GFAP: variants seen among roughly 807,000 people sequenced by gnomAD.
GFAP encodes glial fibrillary acidic protein.
A neutral mutation model predicts 49.3 loss-of-function variants in GFAP; 38 were observed. That is an observed-to-expected ratio of 0.77 (90% CI 0.60 to 1.01). GFAP has a LOEUF of 1.01. GFAP is among the 50% of genes least tolerant of loss of function. GFAP has a pLI of 0.00. For missense variants in GFAP, 463 were observed against 579.1 expected, an observed-to-expected ratio of 0.80 and a Z score of 2.06; for synonymous variants, 222 against 236.4, an observed-to-expected ratio of 0.94 and a Z score of 0.56.
chr17:44,913,798 C>A lies in GFAP; in HGVS notation c.548G>T (p.Arg183Leu), dbSNP rs769613792. The part of the protein sequence containing the change: ...RQEADEATLA[R>L]LDLERKIESL... Reference sequence around the variant, plus strand: ...CTCAATCTTCCTCTCCAGATCCAGACGGGCCAGGGTGGCTTCATCTGCTTC... The same window carrying A: ...CTCAATCTTCCTCTCCAGATCCAGAAGGGCCAGGGTGGCTTCATCTGCTTC... The change falls in exon 3 of 9, where the codon CGT (arginine) becomes CTT (leucine). Residue 183 changes from arginine to leucine, a missense_variant. Physicochemically the swap from Arg to Leu is moderately radical, Grantham distance 102. This residue lies in a region of GFAP where 362 missense variants were observed against 445.5 expected (regional missense o/e 0.81). Transcript: ENST00000588735. 1.9e-6 allele frequency: 3 copies of A among 1,614,168 alleles called. No individual in the cohort carries two copies. Among genetic ancestry groups the A allele is most frequent in the Admixed American group, 3.3e-5 (2 of 60,034 alleles).
chr17:44,904,209 C>A lies in GFAP; in HGVS notation c.*3138G>T. ...GACTCAGGCCTGTACTTCTGCGGCACCCGCAAGGGGGACTACTTTTACGCC... is the reference window on the plus strand; with the variant it reads ...GACTCAGGCCTGTACTTCTGCGGCAACCGCAAGGGGGACTACTTTTACGCC... On this transcript the variant is annotated 3_prime_UTR_variant, in exon 9 of 9. Coordinates refer to ENST00000588735, the MANE Select transcript of GFAP (RefSeq NM_002055.5). 2.6e-6 allele frequency: 4 copies of A among 1,550,550 alleles called. No homozygotes were observed. Among genetic ancestry groups the A allele is most frequent in the Non-Finnish European group, 2.6e-6 (3 of 1,146,984 alleles).
Position 44,903,917 on chromosome 17 carries a change from A to AC in GFAP, c.*3429dup, listed in dbSNP as rs1198726971. ...GGAGAAGGAAAACATTTTTCAGAGGACCCCCTGCCCTGCTTTCCTGATGTT... is the reference window on the plus strand; with the variant it reads ...GGAGAAGGAAAACATTTTTCAGAGGACCCCCCTGCCCTGCTTTCCTGATGTT... On this transcript the variant is annotated 3_prime_UTR_variant, in exon 9 of 9. Transcript: ENST00000588735. 1.3e-6 allele frequency: 2 copies of AC among 1,550,216 alleles called. No homozygotes were observed. Among genetic ancestry groups the AC allele is most frequent in the African/African-American group, 1.4e-5 (1 of 73,022 alleles).
chr17:44,908,884 C>G (rs1239185477), intron 7 of GFAP: 1 of 150,124 alleles, frequency 6.7e-6, no homozygotes, highest in African/African-American at 2.5e-5. Flanking sequence ...AGCAAGCAAG[C>G]AAGCAGGAAA....
intron 3 of GFAP, 49 bp from the exon 4 acceptor site, chr17:44,913,479 G>T: frequency 6.3e-7 from 1 of 1,593,972 alleles, no homozygotes. Context: ...ACAGGCCACA[G>T]CTGGGGTTCC....
chr17:44,908,228 G>A (rs576776531), intron 7 of GFAP, 79 bp from the exon 8 acceptor site: 43 of 929,354 alleles, frequency 4.6e-5, no homozygotes, highest in Admixed American at 1.4e-4. Flanking sequence ...CTTCCCCATC[G>A]CACCCCCCTC....
In GFAP at chr17:44,913,462, T is replaced by C. The variant is rs570479617; in HGVS notation, c.619-32A>G. 8.1e-6 allele frequency: 13 copies of C among 1,603,716 alleles called. No homozygotes were observed. The East Asian group carries it at 2.9e-4, about 36-fold the overall frequency. On this transcript the variant is annotated intron_variant, in intron 3 of 8. Transcript: ENST00000588735. ...AGGGTGAGAGAAGCGGTACCAGGGCTCAGGGTACAGGCCACAGCTGGGGTT... is the reference window on the plus strand; with the variant it reads ...AGGGTGAGAGAAGCGGTACCAGGGCCCAGGGTACAGGCCACAGCTGGGGTT...
At position 44,904,985 on chromosome 17, in the gene GFAP, C is replaced by G. The variant is rs754861795; in HGVS notation, c.*2362G>C. ...TGTGGAGCTCACCCTGATAGGCTAC[C>G]TGCTCATCACAGCAGTCTTTGTCAC... On this transcript the variant is annotated 3_prime_UTR_variant, in exon 9 of 9. Coordinates refer to ENST00000588735, the MANE Select transcript of GFAP (RefSeq NM_002055.5). The G allele has an allele frequency of 1.3e-6, 2 of 1,550,800 alleles. No homozygotes were observed. Among genetic ancestry groups the G allele is most frequent in the Middle Eastern group, 1.7e-4 (1 of 5,992 alleles).
chr17:44,910,018 G>C, intron 7 of GFAP: 2 of 1,580,622 alleles, frequency 1.3e-6, no homozygotes. Context: ...AAATGACGCA[G>C]TCCAGGCCCT....
Position 44,915,167 on chromosome 17 carries a change from T to G in GFAP, c.320A>C (p.Lys107Thr), listed in dbSNP as rs777432787. Residue 107 changes from lysine (K) to threonine (T), a missense_variant, in exon 1 of 9, where the codon AAG (lysine) becomes ACG (threonine). By Grantham distance (78) the Lys-to-Thr change is moderately conservative. This residue lies in a region of GFAP where 362 missense variants were observed against 445.5 expected (regional missense o/e 0.81). Coordinates refer to ENST00000588735, the MANE Select transcript of GFAP (RefSeq NM_002055.5). This position sits in a 1 kb window ranked among gnomAD's most constrained non-coding sequence, Gnocchi z 4.1. ...LAAELNQLRAKEPTKLADVYQ... is the reference protein window; with the variant it reads ...LAAELNQLRATEPTKLADVYQ... Reference sequence around the variant, plus strand: ...GACGTCTGCCAGCTTGGTGGGCTCCTTGGCCCGCAGCTGGTTCAGCTCAGC... The same window carrying G: ...GACGTCTGCCAGCTTGGTGGGCTCCGTGGCCCGCAGCTGGTTCAGCTCAGC... 1 of 1,614,198 alleles carries G rather than the reference T, an allele frequency of 6.2e-7. No homozygotes were observed. The highest frequency in any genetic ancestry group is 2.2e-5 in the East Asian group (1 of 44,872).
At position 44,915,369 on chromosome 17, in the gene GFAP, C is replaced by G. The variant is rs564205924; in HGVS notation, c.118G>C (p.Ala40Pro). The G allele has an allele frequency of 6.2e-7, 1 of 1,610,152 alleles. No homozygotes were observed. The highest frequency in any genetic ancestry group is 1.1e-5 in the South Asian group (1 of 90,912). The change falls in exon 1 of 9, where the codon GCT (alanine) becomes CCT (proline). Residue 40 changes from alanine (A) to proline (P), a missense_variant. Coordinates refer to ENST00000588735, the MANE Select transcript of GFAP (RefSeq NM_002055.5). The surrounding 1 kb of genome is among the most constrained non-coding windows in gnomAD (Gnocchi z 4.1). ...GTCGGGAGTGGAGGGGGCATTCGAG[C>G]CAGGGAGAGGCGGGTGCCAGGACCC... ...RLGPGTRLSLARMPPPLPTRV... is the reference protein window; with the variant it reads ...RLGPGTRLSLPRMPPPLPTRV...
In GFAP at chr17:44,905,727, G is replaced by A. The variant is rs7049; in HGVS notation, c.*1620C>T. 16,797 of 156,562 alleles carry A rather than the reference G, an allele frequency of 0.11. 913 individuals are homozygous for A. Among genetic ancestry groups the A allele is most frequent in the Middle Eastern group, 0.24 (86 of 364 alleles). 9.7% of individuals were successfully genotyped at this position (156,562 alleles called of 1,614,324 possible). On this transcript the variant is annotated 3_prime_UTR_variant, in exon 9 of 9. Transcript: ENST00000588735. ...AGCAGCAGCAGCAGGTGGCAGGAAGGAGTGGAGGGAAAGGACACCAAGTCT... is the reference window on the plus strand; with the variant it reads ...AGCAGCAGCAGCAGGTGGCAGGAAGAAGTGGAGGGAAAGGACACCAAGTCT...
rs1330897162 is a variant in GFAP at position 44,907,051 on chromosome 17, C to T, written c.*296G>A. On this transcript the variant is annotated 3_prime_UTR_variant, in exon 9 of 9. Coordinates refer to ENST00000588735, the MANE Select transcript of GFAP (RefSeq NM_002055.5). The stretch of plus-strand genomic sequence containing the variant: ...AGGTGCCCCCCGCCCTCCTCCCCTT[C>T]TCTCCTTCCTCCTCATTCTAACGCA... 9.5e-6 allele frequency: 5 copies of T among 524,408 alleles called. No individual in the cohort carries two copies. The highest frequency in any genetic ancestry group is 3.8e-5 in the African/African-American group (2 of 52,338). 32.5% of individuals were successfully genotyped at this position (524,408 alleles called of 1,614,324 possible). A position where few individuals can be genotyped will look rare whatever the true frequency, so the allele number is the denominator to read the frequency against.
chr17:44,905,141 G>C lies in GFAP; in HGVS notation c.*2206C>G. The C allele has an allele frequency of 1.6e-6, 2 of 1,278,964 alleles. No homozygotes were observed. The highest frequency in any genetic ancestry group is 1.1e-6 in the Non-Finnish European group (1 of 929,952). The allele number at this position is 1,278,964 out of a possible 1,614,324, so 79.2% of individuals were successfully genotyped here. A position where few individuals can be genotyped will look rare whatever the true frequency, so the allele number is the denominator to read the frequency against. ...GTTAAATGATACCAGATGTCTCTGG[G>C]TGGGTACCCTGGGTTGGGACAGGTG... On this transcript the variant is annotated 3_prime_UTR_variant, in exon 9 of 9. Coordinates refer to ENST00000588735, the MANE Select transcript of GFAP (RefSeq NM_002055.5).
Position 44,911,810 on chromosome 17 carries a change from C to T in GFAP, c.781-13G>A. ...TCAGGTCTGCAAACTAGGTGGGGGA[C>T]ACATATGGGGGGCTGTGTGGGCCCA... is the stretch of plus-strand genomic sequence containing the variant. On this transcript the variant is annotated splice_polypyrimidine_tract_variant and intron_variant, in intron 4 of 8. Transcript: ENST00000588735. 2 of 1,611,332 alleles carry T rather than the reference C, an allele frequency of 1.2e-6. No individual in the cohort carries two copies. Among genetic ancestry groups the T allele is most frequent in the Non-Finnish European group, 1.7e-6 (2 of 1,179,122 alleles).
In GFAP at chr17:44,913,823, C is replaced by T; in HGVS notation, c.523G>A (p.Glu175Lys). The change falls in exon 3 of 9, where the codon GAA becomes AAA. Residue 175 changes from glutamate to lysine, a missense_variant and splice_region_variant. By Grantham distance (56) the Glu-to-Lys change is moderately conservative (BLOSUM62 1). This residue lies in a region of GFAP where 362 missense variants were observed against 445.5 expected (regional missense o/e 0.81). Transcript: ENST00000588735. Reference protein sequence around the residue: ...AENNLAAYRQEADEATLARLD... With the variant: ...AENNLAAYRQKADEATLARLD... ...CGGGCCAGGGTGGCTTCATCTGCTT[C>T]CTGGAGTGGCAGGAGGGGTGAGGAG... 1 of 1,613,244 alleles carries T rather than the reference C, an allele frequency of 6.2e-7. No homozygotes were observed. The highest frequency in any genetic ancestry group is 8.5e-7 in the Non-Finnish European group (1 of 1,179,122).
Position 44,913,406 on chromosome 17 carries a change from G to C in GFAP, c.643C>G (p.Leu215Val), listed in dbSNP as rs758152116. ...TCCACATGGACCTGCTGTCGGGCCA[G>C]CTGCTCCTGGAGTTCCCGAACCTCC... ...EEEVRELQEQ[L>V]ARQQVHVELD... is the part of the protein sequence containing the mutation. Residue 215 changes from leucine (L) to valine (V), a missense_variant, in exon 4 of 9, where the codon CTG becomes GTG. Physicochemically the swap from Leu to Val is conservative, Grantham distance 32 (BLOSUM62 1). Transcript: ENST00000588735. The C allele has an allele frequency of 2.9e-5, 46 of 1,614,028 alleles. No homozygotes were observed. The highest frequency in any genetic ancestry group is 3.7e-5 in the Non-Finnish European group (44 of 1,180,032).
At chr17:44,911,215 G>A (rs1212615486) in intron 6 of GFAP, 21 bp downstream of exon 6, 1 of 1,606,018 alleles carries the variant, frequency 6.2e-7, no homozygotes, top group Admixed American at 1.7e-5. Context: ...GACTTCCCCA[G>A]GGGCTGTGAT....
At chr17:44,911,144 G>T in intron 6 of GFAP, 92 bp downstream of exon 6, 1 of 1,143,086 alleles carries the variant, frequency 8.7e-7, no homozygotes, top group Non-Finnish European at 1.3e-6. Flanking sequence ...CTGCACACAA[G>T]GCTGAAAAAG....
Position 44,904,618 on chromosome 17 carries a change from G to A in GFAP, c.*2729C>T. The A allele has an allele frequency of 6.4e-7, 1 of 1,550,560 alleles. No homozygotes were observed. Among genetic ancestry groups the A allele is most frequent in the Non-Finnish European group, 8.7e-7 (1 of 1,147,000 alleles). On this transcript the variant is annotated 3_prime_UTR_variant, in exon 9 of 9. Transcript: ENST00000588735. ...CCATCATTAACTATGTGTCCAAAGT[G>A]GGCAGCCGGCCCTGGGTGCCCCAGG...
Sources: gnomAD v4.1 joint callset for allele counts on GRCh38, gnomAD v4.1.1 for gene constraint, gnomAD v4.1.1 regional missense constraint, Gnocchi (gnomAD v3.1) non-coding constraint, MANE v1.5 for transcripts, NCBI Gene and HGNC (gene_info 2026-07-23, HGNC 2026-07-21) for gene names.